CHODL: variants seen among roughly 807,000 people sequenced by gnomAD.
The protein encoded by CHODL is chondrolectin, also known as transmembrane protein MT75.
CHODL carries 29 observed loss-of-function variants against 34.5 expected under a neutral mutation model. The ratio of observed to expected loss-of-function variants is 0.84; its 90% CI spans 0.63 to 1.15. CHODL has a LOEUF of 1.15. Ranked by LOEUF, CHODL falls within the 50% of genes most tolerant of loss-of-function variation. The probability of loss-of-function intolerance (pLI) is 0.00; values close to 1 mark genes in which losing one functional copy is unlikely to be tolerated. For synonymous variants in CHODL, 125 were observed against 116.1 expected, an observed-to-expected ratio of 1.08 and a Z score of -0.49; for missense variants, 332 against 332.5, an observed-to-expected ratio of 1.00 and a Z score of 0.01.
intron 2 of CHODL, among the ~76,000 whole-genome samples, chr21:18,176,471 G>A (rs540663248): frequency 2.0e-5 from 3 of 152,196 alleles, no homozygotes; most frequent in African/African-American, 7.2e-5. Context: ...ACATATAAAT[G>A]AACTTCATGA....
At chr21:18,125,350 A>G (rs1408752424) in intron 2 of CHODL, among the ~76,000 whole-genome samples, 1 of 152,178 alleles carries the variant, frequency 6.6e-6, no homozygotes, top group Non-Finnish European at 1.5e-5. Context: ...GATTATGTCA[A>G]CAAAAAAAGC....
chr21:18,265,288 TACACACACAC>T (rs563361586), intron 5 of CHODL, among the ~76,000 whole-genome samples: 1 of 139,942 alleles, frequency 7.1e-6, no homozygotes, highest in African/African-American at 2.8e-5. Context: ...TGTATATATA[TACACACACAC>T]ACACACACAC....
intron 1 of CHODL, among the ~76,000 whole-genome samples, chr21:17,936,073 T>C (rs964837154): frequency 3.4e-4 from 3 of 8,884 alleles, no homozygotes; most frequent in South Asian, 3.8e-3. Flanking sequence ...GACAACTCAT[T>C]ATCATATCGT....
At chr21:18,016,265 G>C (rs552989294) in intron 1 of CHODL, among the ~76,000 whole-genome samples, 80 of 152,340 alleles carry the variant, frequency 5.3e-4, no homozygotes, top group Middle Eastern at 6.8e-3. Context: ...CTGCATCCTA[G>C]CTGCTTCAGC....
At chr21:18,117,944 A>G (rs2065433280) in intron 2 of CHODL, among the ~76,000 whole-genome samples, 1 of 152,110 alleles carries the variant, frequency 6.6e-6, no homozygotes, top group Non-Finnish European at 1.5e-5. Flanking sequence ...TTTTCAGGTA[A>G]CTCTAAAGAA....
At chr21:18,214,292 C>A (rs73316263) in intron 2 of CHODL, among the ~76,000 whole-genome samples, 1,966 of 152,190 alleles carry the variant, frequency 0.013, 49 homozygotes, top group African/African-American at 0.045. Flanking sequence ...TTGGATCACA[C>A]CTTCCTCTGA....
At position 18,077,536 on chromosome 21, in the gene CHODL, A is replaced by C. The variant is rs139789235; in HGVS notation, c.-45+49565A>C. The stretch of plus-strand genomic sequence containing the variant: ...CTAAAATTTATATGTAGAAATCCTT[A>C]CCTCTAAGGTGATTGTATTAGGAGG... On this transcript the variant is annotated intron_variant, in intron 2 of 6. Coordinates refer to the CHODL transcript ENST00000400127. Among the ~76,000 whole-genome samples, 184 of 152,248 alleles carry C rather than the reference A, an allele frequency of 1.2e-3. 1 individual carries two copies. The highest frequency in any genetic ancestry group is 4.2e-3 in the African/African-American group (174 of 41,548).
At chr21:17,933,783 G>C (rs1354302201) in intron 1 of CHODL, among the ~76,000 whole-genome samples, 1 of 152,140 alleles carries the variant, frequency 6.6e-6, no homozygotes, top group African/African-American at 2.4e-5. Flanking sequence ...GCTCACACCT[G>C]TAACCCCAGC....
chr21:18,200,789 C>G (rs56869001), intron 2 of CHODL, among the ~76,000 whole-genome samples: 1 of 152,006 alleles, frequency 6.6e-6, no homozygotes, highest in African/African-American at 2.4e-5. Context: ...GGCCTTAAAT[C>G]CGATGACTTG....
intron 1 of CHODL, among the ~76,000 whole-genome samples, chr21:17,997,408 C>T (rs1015644791): frequency 2.6e-5 from 4 of 152,178 alleles, no homozygotes; most frequent in African/African-American, 4.8e-5. Flanking sequence ...AAAGGCCATA[C>T]TAGGCTAGTA....
intron 1 of CHODL, among the ~76,000 whole-genome samples, chr21:17,986,034 A>G (rs1449343494): frequency 6.6e-6 from 1 of 152,166 alleles, no homozygotes; most frequent in African/African-American, 2.4e-5. Context: ...TCACCTTCTA[A>G]TACCATCACA....
intron 2 of CHODL, among the ~76,000 whole-genome samples, chr21:18,107,649 T>C (rs1413126494): frequency 6.6e-6 from 1 of 152,224 alleles, no homozygotes; most frequent in Non-Finnish European, 1.5e-5. Flanking sequence ...CATCAGGGTT[T>C]GCTGTGTGGG....
intron 1 of CHODL, among the ~76,000 whole-genome samples, chr21:17,968,793 T>G (rs1293811909): frequency 1.3e-5 from 2 of 152,196 alleles, no homozygotes; most frequent in African/African-American, 4.8e-5. Context: ...GAAGAATCTT[T>G]ATTTTATTCT....
At chr21:18,164,142 C>T (rs2146647920) in intron 2 of CHODL, among the ~76,000 whole-genome samples, 2 of 152,276 alleles carry the variant, frequency 1.3e-5, no homozygotes, top group East Asian at 3.9e-4. Context: ...GGAAAGCTTG[C>T]CCCAGACACA....
intron 2 of CHODL, among the ~76,000 whole-genome samples, chr21:18,206,686 C>T (rs1369771201): frequency 6.6e-6 from 1 of 151,290 alleles, no homozygotes; most frequent in Non-Finnish European, 1.5e-5. Flanking sequence ...TTACTCCTGC[C>T]ATTTTGTTGT....
chr21:18,232,474 G>A (rs1373682481), intron 2 of CHODL, among the ~76,000 whole-genome samples: 4 of 151,984 alleles, frequency 2.6e-5, no homozygotes, highest in Non-Finnish European at 5.9e-5. Context: ...CATGGTGGAA[G>A]GAATGAACAA....
intron 1 of CHODL, among the ~76,000 whole-genome samples, chr21:18,006,670 A>G (rs2063964320): frequency 6.6e-6 from 1 of 152,246 alleles, no homozygotes; most frequent in Non-Finnish European, 1.5e-5. Flanking sequence ...GTTTAAAGTG[A>G]TGAGATTACC....
intron 2 of CHODL, among the ~76,000 whole-genome samples, chr21:18,239,317 C>T (rs908900748): frequency 4.6e-5 from 7 of 152,054 alleles, no homozygotes; most frequent in African/African-American, 1.7e-4. Context: ...TGCTGTCCTG[C>T]ATTATACACA....
At chr21:18,047,200 A>T (rs930623425) in intron 2 of CHODL, among the ~76,000 whole-genome samples, 20 of 152,020 alleles carry the variant, frequency 1.3e-4, no homozygotes, top group African/African-American at 4.8e-4. Flanking sequence ...TGACTCTGGC[A>T]GAAAGAGAAA....
Sources: gnomAD v4.1 joint callset for allele counts (sites outside exome capture counted in the v4.1 genomes callset) on GRCh38, gnomAD v4.1.1 for gene constraint, MANE v1.5 for transcripts, NCBI Gene and HGNC (gene_info 2026-07-23, HGNC 2026-07-21) for gene names.